RPS6KC1: variants seen among roughly 807,000 people sequenced by gnomAD.
The protein encoded by RPS6KC1 is inactive ribosomal protein S6 kinase delta-1.
Under a neutral mutation model 103.8 loss-of-function variants are expected in RPS6KC1, and 54 were observed. That is an observed-to-expected ratio of 0.52 (90% confidence interval 0.42 to 0.65). The LOEUF is 0.65. RPS6KC1 is among the 30% of genes least tolerant of loss of function. RPS6KC1 has a pLI of 0.00. For missense variants in RPS6KC1, 1,151 were observed against 1,253.8 expected, an observed-to-expected ratio of 0.92 and a Z score of 1.24; for synonymous variants, 439 against 438.7, an observed-to-expected ratio of 1.00 and a Z score of -0.01.
chr1:213,363,703 C>CTTTCT, the RPS6KC1 span, among the ~76,000 whole-genome samples: 3 of 17,364 alleles, frequency 1.7e-4, no homozygotes, highest in African/African-American at 4.0e-4. Flanking sequence ...TCTTTCTTTC[C>CTTTCT]TTCTTTCTTT....
the RPS6KC1 span, among the ~76,000 whole-genome samples, chr1:213,669,899 T>G: frequency 6.6e-6 from 1 of 152,166 alleles, no homozygotes; most frequent in South Asian, 2.1e-4. Flanking sequence ...CACACTTTTC[T>G]CAGCCCAGTC....
chr1:213,815,653 C>A, the RPS6KC1 span, among the ~76,000 whole-genome samples: 2 of 152,336 alleles, frequency 1.3e-5, no homozygotes, highest in South Asian at 4.1e-4. Flanking sequence ...CTGGATTAGG[C>A]TTTGACTCTA....
chr1:213,261,467 C>A, intron 12 of RPS6KC1, 91 bp from the exon 13 acceptor site: 1 of 1,121,692 alleles, frequency 8.9e-7, no homozygotes, highest in South Asian at 1.3e-5. Flanking sequence ...GCTCTCTCAG[C>A]ATTAAAAAGG....
chr1:213,816,615 T>C, the RPS6KC1 span, among the ~76,000 whole-genome samples: 1 of 151,908 alleles, frequency 6.6e-6, no homozygotes, highest in East Asian at 1.9e-4. Flanking sequence ...CAATCAGCAA[T>C]TTCAGCCCCT....
At chr1:213,437,944 C>A in the RPS6KC1 span, among the ~76,000 whole-genome samples, 288 of 151,718 alleles carry the variant, frequency 1.9e-3, 3 homozygotes, top group Middle Eastern at 0.01. Context: ...TTCTGATTTT[C>A]TTTTTTATTT....
chr1:213,538,898 T>G, the RPS6KC1 span, among the ~76,000 whole-genome samples: 2 of 152,160 alleles, frequency 1.3e-5, no homozygotes, highest in African/African-American at 4.8e-5. Context: ...TAGTTTACAG[T>G]ATGGTCTTAT....
Position 213,261,617 on chromosome 1 carries a change from C to T in RPS6KC1, c.2971C>T (p.Leu991Phe). ...ACDWWSLGAV[L>F]FELLTGKTLV... ...TGATTGGTGGAGTTTGGGTGCTGTC[C>T]TCTTTGAACTTCTCACTGGCAAGGT... Residue 991 changes from leucine to phenylalanine, a missense_variant, in exon 13 of 15, where the codon CTC (leucine) becomes TTC (phenylalanine). Physicochemically the swap from Leu to Phe is conservative, Grantham distance 22. Transcript: ENST00000366960. 1.2e-6 allele frequency: 2 copies of T among 1,613,974 alleles called. No homozygotes were observed. Among genetic ancestry groups the T allele is most frequent in the Non-Finnish European group, 1.7e-6 (2 of 1,179,876 alleles).
the RPS6KC1 span, among the ~76,000 whole-genome samples, chr1:213,827,828 G>A: frequency 6.6e-6 from 1 of 152,056 alleles, no homozygotes; most frequent in Non-Finnish European, 1.5e-5. Flanking sequence ...CTTTCTACAT[G>A]GATGCTAGAG....
chr1:213,765,871 C>T, the RPS6KC1 span, among the ~76,000 whole-genome samples: 242 of 152,262 alleles, frequency 1.6e-3, 1 homozygote, highest in Non-Finnish European at 2.8e-3. Flanking sequence ...TTATACTTTA[C>T]TGTAAGTTAT....
At chr1:213,610,983 G>A in the RPS6KC1 span, among the ~76,000 whole-genome samples, 1 of 152,032 alleles carries the variant, frequency 6.6e-6, no homozygotes, top group Non-Finnish European at 1.5e-5. Context: ...TTTTTTGGGG[G>A]GTTGCATATA....
the RPS6KC1 span, among the ~76,000 whole-genome samples, chr1:213,578,675 C>A: frequency 6.6e-6 from 1 of 150,730 alleles, no homozygotes; most frequent in Non-Finnish European, 1.5e-5. Flanking sequence ...GGGCCTGTAG[C>A]CCCTTCATTT....
At chr1:213,168,605 G>T (rs1232501629) in intron 7 of RPS6KC1, among the ~76,000 whole-genome samples, 1 of 152,032 alleles carries the variant, frequency 6.6e-6, no homozygotes, top group Non-Finnish European at 1.5e-5. Context: ...GGAAATGGGA[G>T]AAAGGGTTTA....
At chr1:213,845,385 C>T in the RPS6KC1 span, among the ~76,000 whole-genome samples, 2 of 152,146 alleles carry the variant, frequency 1.3e-5, no homozygotes, top group African/African-American at 4.8e-5. Flanking sequence ...CACCTCACCC[C>T]CATGCTTTTC....
the RPS6KC1 span, among the ~76,000 whole-genome samples, chr1:213,300,014 C>T: frequency 1.8e-4 from 28 of 152,078 alleles, 1 homozygote; most frequent in Non-Finnish European, 3.8e-4. Context: ...ACCGTGTTCG[C>T]CAGGATAGTC....
chr1:213,711,789 G>A, the RPS6KC1 span, among the ~76,000 whole-genome samples: 2 of 152,184 alleles, frequency 1.3e-5, no homozygotes, highest in Non-Finnish European at 2.9e-5. Flanking sequence ...AGGTCTGCTG[G>A]TGTTTTCTGG....
chr1:213,366,169 G>A, the RPS6KC1 span, among the ~76,000 whole-genome samples: 1 of 152,212 alleles, frequency 6.6e-6, no homozygotes, highest in African/African-American at 2.4e-5. Flanking sequence ...CCCCCACAGA[G>A]GGGTGGACTA....
the RPS6KC1 span, among the ~76,000 whole-genome samples, chr1:213,772,940 CA>C: frequency 6.6e-6 from 1 of 152,116 alleles, no homozygotes; most frequent in African/African-American, 2.4e-5. Flanking sequence ...ATGAAATGGG[CA>C]GGAGGCTTCT....
At chr1:213,808,072 C>T in the RPS6KC1 span, among the ~76,000 whole-genome samples, 16 of 152,316 alleles carry the variant, frequency 1.1e-4, no homozygotes, top group South Asian at 2.7e-3. Flanking sequence ...GTATCAGCAG[C>T]GGTGTCTGCA....
the RPS6KC1 span, among the ~76,000 whole-genome samples, chr1:213,596,716 C>G: frequency 2.0e-5 from 3 of 152,236 alleles, no homozygotes; most frequent in African/African-American, 7.2e-5. Flanking sequence ...CTAATACTTA[C>G]ATTATTTTCC....
Sources: gnomAD v4.1 joint callset for allele counts (sites outside exome capture counted in the v4.1 genomes callset) on GRCh38, gnomAD v4.1.1 for gene constraint, MANE v1.5 for transcripts, NCBI Gene and HGNC (gene_info 2026-07-23, HGNC 2026-07-21) for gene names.